CDH12: variants seen among roughly 807,000 people sequenced by gnomAD.
CDH12 encodes the protein cadherin 12, also known as cadherin-12.
A neutral mutation model predicts 74.1 loss-of-function variants in CDH12; 41 were observed. That is an observed-to-expected ratio of 0.55 (90% CI 0.43 to 0.72). The LOEUF is 0.72. CDH12 is among the 30% of genes least tolerant of loss of function. The probability of loss-of-function intolerance (pLI) is 0.00; values close to 1 mark genes in which losing one functional copy is unlikely to be tolerated. For missense variants in CDH12, 945 were observed against 977.2 expected (o/e 0.97, Z 0.44); for synonymous variants, 399 against 355.0 (o/e 1.12, Z -1.39).
intron 8 of CDH12, among the ~76,000 whole-genome samples, chr5:21,823,064 T>A (rs937998759): frequency 6.6e-6 from 1 of 152,112 alleles, no homozygotes; most frequent in Non-Finnish European, 1.5e-5. Context: ...TTTAGTGGTC[T>A]CCTTCATGGA....
intron 1 of CDH12, among the ~76,000 whole-genome samples, chr5:22,607,247 C>T (rs983984749): frequency 6.6e-6 from 1 of 152,168 alleles, no homozygotes; most frequent in Non-Finnish European, 1.5e-5. Flanking sequence ...ATGTTAATCA[C>T]CAAAACAATG....
intron 6 of CDH12, among the ~76,000 whole-genome samples, chr5:21,855,591 G>T (rs1450678163): frequency 1.3e-5 from 2 of 151,026 alleles, no homozygotes; most frequent in African/African-American, 4.9e-5. Context: ...GTAATCAAAA[G>T]TACCCAAATT....
At chr5:22,361,517 T>A (rs546623265) in intron 3 of CDH12, among the ~76,000 whole-genome samples, 2 of 152,246 alleles carry the variant, frequency 1.3e-5, no homozygotes, top group East Asian at 3.9e-4. Flanking sequence ...AGGTAATTTA[T>A]AGATTCAATG....
chr5:22,800,878 T>G (rs932617750), intron 1 of CDH12, among the ~76,000 whole-genome samples: 3 of 152,178 alleles, frequency 2.0e-5, no homozygotes, highest in Non-Finnish European at 4.4e-5. Flanking sequence ...CTCGATAGAT[T>G]ATATTTTTTA....
rs141333098 is a variant in CDH12 at position 21,774,152 on chromosome 5, G to A, written c.1394-9053C>T. Reference sequence around the variant, plus strand: ...AAGCAGATTAACATTTGAGTCAGTAGAATGGGAGAGGCAGACTCACCCTCA... The same window carrying A: ...AAGCAGATTAACATTTGAGTCAGTAAAATGGGAGAGGCAGACTCACCCTCA... On this transcript the variant is annotated intron_variant, in intron 11 of 14. Coordinates refer to ENST00000382254, the MANE Select transcript of CDH12 (RefSeq NM_004061.5). Among the ~76,000 whole-genome samples the A allele has an allele frequency of 3.3e-3, 500 of 152,198 alleles. 4 individuals are homozygous for A. The highest frequency in any genetic ancestry group is 0.012 in the African/African-American group (484 of 41,524).
At chr5:22,752,459 C>T (rs1450179465) in intron 1 of CDH12, among the ~76,000 whole-genome samples, 2 of 148,742 alleles carry the variant, frequency 1.3e-5, no homozygotes, top group African/African-American at 2.5e-5. Context: ...AGAAACTTTC[C>T]ACATGTTTTC....
intron 3 of CDH12, among the ~76,000 whole-genome samples, chr5:22,273,382 A>G (rs1241659156): frequency 1.3e-5 from 2 of 152,232 alleles, no homozygotes; most frequent in Non-Finnish European, 2.9e-5. Context: ...TTCAATTTGT[A>G]AATAATGCAG....
intron 4 of CDH12, among the ~76,000 whole-genome samples, chr5:22,193,668 C>A (rs1482953776): frequency 6.6e-6 from 1 of 151,324 alleles, no homozygotes; most frequent in Admixed American, 6.6e-5. Context: ...TTTGGATAAG[C>A]AGCCGGATGT....
At chr5:22,394,958 T>C (rs1742397744) in intron 3 of CDH12, among the ~76,000 whole-genome samples, 1 of 152,128 alleles carries the variant, frequency 6.6e-6, no homozygotes, top group Non-Finnish European at 1.5e-5. Flanking sequence ...GCATATAGAT[T>C]CACATAAATT....
intron 1 of CDH12, among the ~76,000 whole-genome samples, chr5:22,685,674 G>T (rs1396944643): frequency 6.6e-6 from 1 of 152,138 alleles, no homozygotes; most frequent in African/African-American, 2.4e-5. Context: ...TTTCTGGCTG[G>T]TTTATTTCAC....
At chr5:22,628,826 A>G (rs1228510390) in intron 1 of CDH12, among the ~76,000 whole-genome samples, 1 of 152,098 alleles carries the variant, frequency 6.6e-6, no homozygotes, top group Non-Finnish European at 1.5e-5. Flanking sequence ...TTTTGAAAGA[A>G]TAAATAAGAT....
At chr5:22,517,537 T>A (rs1297363268) in intron 1 of CDH12, among the ~76,000 whole-genome samples, 2 of 152,156 alleles carry the variant, frequency 1.3e-5, no homozygotes, top group Non-Finnish European at 1.5e-5. Flanking sequence ...ATTGATAGCC[T>A]CCATATGTGG....
At chr5:22,053,355 T>G (rs956932981) in intron 5 of CDH12, among the ~76,000 whole-genome samples, 1 of 152,156 alleles carries the variant, frequency 6.6e-6, no homozygotes, top group East Asian at 1.9e-4. Flanking sequence ...GGATGAATAA[T>G]GTGTGTGACA....
At chr5:21,993,050 C>G (rs1010757062) in intron 5 of CDH12, among the ~76,000 whole-genome samples, 5 of 151,996 alleles carry the variant, frequency 3.3e-5, no homozygotes, top group African/African-American at 1.2e-4. Flanking sequence ...ACTATCAGAA[C>G]GATGAGGGGG....
intron 1 of CDH12, among the ~76,000 whole-genome samples, chr5:22,827,083 T>A (rs1309716141): frequency 6.6e-6 from 1 of 152,190 alleles, no homozygotes; most frequent in Non-Finnish European, 1.5e-5. Context: ...AGTGGTTTCC[T>A]GGGCTGGGCC....
At chr5:21,861,759 G>A (rs570921188) in intron 6 of CDH12, among the ~76,000 whole-genome samples, 40 of 152,154 alleles carry the variant, frequency 2.6e-4, no homozygotes, top group African/African-American at 9.1e-4. Flanking sequence ...TATTGTCAAG[G>A]TGACTATCAG....
intron 3 of CDH12, among the ~76,000 whole-genome samples, chr5:22,303,873 T>G (rs1737995994): frequency 6.6e-6 from 1 of 152,074 alleles, no homozygotes; most frequent in Non-Finnish European, 1.5e-5. Flanking sequence ...GTATGATAGC[T>G]CAGAGATCAT....
intron 6 of CDH12, among the ~76,000 whole-genome samples, chr5:21,968,460 A>G (rs1305857794): frequency 1.3e-5 from 2 of 152,224 alleles, no homozygotes; most frequent in African/African-American, 4.8e-5. Context: ...TACTATTGCA[A>G]GTACAAGCTG....
chr5:22,161,954 G>A (rs994190309), intron 4 of CDH12, among the ~76,000 whole-genome samples: 5 of 151,170 alleles, frequency 3.3e-5, no homozygotes, highest in South Asian at 2.1e-4. Context: ...TGGTCTTGTC[G>A]AAGTCACTAC....
Sources: gnomAD v4.1 joint callset for allele counts (sites outside exome capture counted in the v4.1 genomes callset) on GRCh38, gnomAD v4.1.1 for gene constraint, MANE v1.5 for transcripts, NCBI Gene and HGNC (gene_info 2026-07-23, HGNC 2026-07-21) for gene names.